TSNAXIP1: variants seen among roughly 807,000 people sequenced by gnomAD.
TSNAXIP1 encodes translin-associated factor X-interacting protein 1.
A neutral mutation model predicts 84.8 loss-of-function variants in TSNAXIP1; 89 were observed. The observed-to-expected ratio is 1.05, with a 90% confidence interval of 0.88 to 1.25. The LOEUF is 1.25. Among genes scored for constraint, TSNAXIP1 ranks in the 50% most tolerant of loss-of-function variants. The pLI is 0.00. For synonymous variants in TSNAXIP1, 347 were observed against 335.2 expected (o/e 1.04, Z -0.39); for missense variants, 874 against 887.6 (o/e 0.98, Z 0.20).
chr16:67,816,410 G>A (rs2056555183), intron 2 of TSNAXIP1, among the ~76,000 whole-genome samples: 1 of 152,198 alleles, frequency 6.6e-6, no homozygotes, highest in South Asian at 2.1e-4. Context: ...CAGTGGAACA[G>A]CATGGGCTGT....
intron 2 of TSNAXIP1, among the ~76,000 whole-genome samples, chr16:67,820,231 A>G (rs1309811534): frequency 6.6e-6 from 1 of 152,006 alleles, no homozygotes; most frequent in Non-Finnish European, 1.5e-5. Context: ...GCTGGGAATT[A>G]CAGGCGTGAG....
rs141527864 is a variant in TSNAXIP1, at chr16:67,826,223, G to A, written c.1216G>A (p.Val406Met). Residue 406 changes from valine (V) to methionine (M), a missense_variant, in exon 10 of 16, where the codon GTG (valine) becomes ATG (methionine). By Grantham distance (21) the Val-to-Met change is conservative. Transcript: ENST00000561639. Reference protein sequence around the residue: ...EGKNSDQLVDVLLEEIGSGLL... With the variant: ...EGKNSDQLVDMLLEEIGSGLL... ...CAAGAACAGCGACCAGCTGGTGGAC[G>A]TGCTCCTGGAAGAGATTGGTTCGGG... 106 of 1,604,014 alleles carry A rather than the reference G, an allele frequency of 6.6e-5. No homozygotes were observed. The highest frequency in any genetic ancestry group is 7.7e-5 in the Non-Finnish European group (90 of 1,174,098).
chr16:67,814,165 T>A, intron 1 of TSNAXIP1, 137 bp from the exon 2 acceptor site: 1 of 650,120 alleles, frequency 1.5e-6, no homozygotes, highest in Non-Finnish European at 2.7e-6. Flanking sequence ...TGCTTGGCAG[T>A]GTCTCTGGGA....
intron 5 of TSNAXIP1, among the ~76,000 whole-genome samples, chr16:67,824,000 A>G (rs1271014303): frequency 6.9e-6 from 1 of 145,754 alleles, no homozygotes; most frequent in Non-Finnish European, 1.5e-5. Flanking sequence ...GCCTGGGCAA[A>G]AGAACAAGAC....
chr16:67,807,094 T>A lies in TSNAXIP1; in HGVS notation c.-56T>A. ...GCCTGGTCGCCATGGCGACCGGCTG[T>A]ACGCTACCACAGCTTCCCAGGCCGC... On this transcript the variant is annotated 5_prime_UTR_variant, in exon 1 of 16. The change creates a premature stop within an existing upstream ORF in the 5' untranslated region. Transcript: ENST00000561639. 3.3e-6 allele frequency: 5 copies of A among 1,527,444 alleles called. No homozygotes were observed. The allele number at this position is 1,527,444 out of a possible 1,614,324, so 94.6% of individuals were successfully genotyped here. A position where few individuals can be genotyped will look rare whatever the true frequency, so the allele number is the denominator to read the frequency against.
intron 2 of TSNAXIP1, among the ~76,000 whole-genome samples, chr16:67,814,836 A>G (rs553283156): frequency 6.6e-6 from 1 of 152,250 alleles, no homozygotes; most frequent in Non-Finnish European, 1.5e-5. Flanking sequence ...AGAATCTAAC[A>G]GGCTACCTGA....
chr16:67,818,697 C>T (rs556814670), intron 2 of TSNAXIP1, among the ~76,000 whole-genome samples: 2 of 151,616 alleles, frequency 1.3e-5, no homozygotes, highest in Non-Finnish European at 2.9e-5. Flanking sequence ...ATAGTGAGAC[C>T]CCATCCTTTT....
chr16:67,813,731 CAAAAAAA>C (rs373627128), intron 1 of TSNAXIP1, among the ~76,000 whole-genome samples: 1,013 of 41,228 alleles, frequency 0.025, 15 homozygotes, highest in Non-Finnish European at 0.035. Flanking sequence ...GACTCCGTCT[CAAAAAAA>C]AAAAAAAAAA....
chr16:67,824,186 G>A (rs568996844), intron 5 of TSNAXIP1, among the ~76,000 whole-genome samples: 30 of 152,098 alleles, frequency 2.0e-4, no homozygotes, highest in Non-Finnish European at 3.5e-4. Context: ...ACTGTTCCAT[G>A]ATAGGGCACC....
At chr16:67,814,745 G>GTGC (rs960573227) in intron 2 of TSNAXIP1, among the ~76,000 whole-genome samples, 3 of 152,130 alleles carry the variant, frequency 2.0e-5, no homozygotes, top group African/African-American at 7.2e-5. Context: ...ACCAGGCACT[G>GTGC]TGCTACCTGC....
chr16:67,821,537 A>G (rs945969194), intron 4 of TSNAXIP1, among the ~76,000 whole-genome samples: 11 of 151,372 alleles, frequency 7.3e-5, no homozygotes, highest in African/African-American at 2.7e-4. Context: ...AGATCACACC[A>G]CTGCACTCCA....
rs377110900 is a variant in TSNAXIP1, at chr16:67,825,545, A to C, written c.815-122A>C. The C allele has an allele frequency of 2.3e-3, 3,196 of 1,375,062 alleles. 56 individuals are homozygous for C. The South Asian group carries it at 0.03, about 13-fold the overall frequency. 85.2% of individuals were successfully genotyped at this position (1,375,062 alleles called of 1,614,324 possible). On this transcript the variant is annotated intron_variant, in intron 7 of 15. Transcript: ENST00000561639. Reference sequence around the variant, plus strand: ...CTGGGCTTCTAGACTTTAGCCTGAAACCCTAGGCTGGTAGTGCTGTGGGCA... The same window carrying C: ...CTGGGCTTCTAGACTTTAGCCTGAACCCCTAGGCTGGTAGTGCTGTGGGCA...
At position 67,825,252 on chromosome 16, in the gene TSNAXIP1, T is replaced by C. The variant is rs201031808; in HGVS notation, c.794T>C (p.Met265Thr). Residue 265 changes from methionine to threonine, a missense_variant, in exon 7 of 16, where the codon ATG becomes ACG. Physicochemically the swap from Met to Thr is moderately conservative, Grantham distance 81 (BLOSUM62 -1). Transcript: ENST00000561639. ...LNELRYQREDMSLAQSPGIWG... is the reference protein window; with the variant it reads ...LNELRYQREDTSLAQSPGIWG... ...GAGCTGCGGTACCAGCGGGAGGACA[T>C]GTCATTAGCCCAGTCGCCAGGTAAG... The C allele has an allele frequency of 7.2e-5, 116 of 1,614,134 alleles. No homozygotes were observed. The African/African-American group carries it at 1.1e-3, about 15-fold the overall frequency.
intron 2 of TSNAXIP1, among the ~76,000 whole-genome samples, chr16:67,818,787 T>C (rs2056801373): frequency 6.6e-6 from 1 of 150,834 alleles, no homozygotes; most frequent in Admixed American, 6.7e-5. Context: ...CACTGTGGCC[T>C]CTGCCTCCAG....
intron 7 of TSNAXIP1, 37 bp downstream of exon 7, chr16:67,825,309 T>C (rs1345619829): frequency 6.2e-7 from 1 of 1,611,178 alleles, no homozygotes; most frequent in Admixed American, 1.7e-5. Context: ...CTCTCTTCTC[T>C]GAGACGCTGG....
chr16:67,815,510 G>A (rs897494668), intron 2 of TSNAXIP1, among the ~76,000 whole-genome samples: 1 of 151,702 alleles, frequency 6.6e-6, no homozygotes, highest in Non-Finnish European at 1.5e-5. Flanking sequence ...TAATTTTTTT[G>A]GCAGGGGGGG....
At chr16:67,809,926 G>A (rs979786639) in intron 1 of TSNAXIP1, among the ~76,000 whole-genome samples, 4 of 152,126 alleles carry the variant, frequency 2.6e-5, no homozygotes, top group African/African-American at 9.7e-5. Flanking sequence ...TCCAGTCCGG[G>A]CAAGAGAGTG....
intron 2 of TSNAXIP1, among the ~76,000 whole-genome samples, chr16:67,820,248 C>T (rs761411661): frequency 4.6e-5 from 7 of 152,020 alleles, no homozygotes; most frequent in African/African-American, 9.7e-5. Context: ...TGAGCCACCG[C>T]GCCCGACTAT....
At chr16:67,824,290 G>A (rs1179397733) in intron 5 of TSNAXIP1, among the ~76,000 whole-genome samples, 1 of 152,172 alleles carries the variant, frequency 6.6e-6, no homozygotes, top group East Asian at 1.9e-4. Context: ...AGCACCTCTG[G>A]GAGTCAGCAG....
Sources: allele counts gnomAD v4.1 joint callset (sites outside exome capture counted in the v4.1 genomes callset), GRCh38; gene constraint gnomAD v4.1.1; transcripts MANE v1.5; gene names NCBI Gene and HGNC (gene_info 2026-07-23, HGNC 2026-07-21).